CREB1: variants seen among roughly 807,000 people sequenced by gnomAD.
The protein encoded by CREB1 is cAMP responsive element binding protein 1.
Under a neutral mutation model 42.0 loss-of-function variants are expected in CREB1, and 2 were observed. The ratio of observed to expected loss-of-function variants is 0.05; its 90% CI spans 0.02 to 0.15. The LOEUF (loss-of-function observed/expected upper bound fraction) is 0.15. CREB1 is among the 10% of genes least tolerant of loss of function. The pLI is 1.00. For synonymous variants in CREB1, 123 were observed against 139.9 expected, an observed-to-expected ratio of 0.88 and a Z score of 0.85; for missense variants, 199 against 388.9, an observed-to-expected ratio of 0.51 and a Z score of 4.11.
chr2:207,558,956 C>A (rs762367340), intron 2 of CREB1, among the ~76,000 whole-genome samples: 2 of 152,128 alleles, frequency 1.3e-5, no homozygotes, highest in Non-Finnish European at 2.9e-5. Context: ...AGTGATCTAT[C>A]TAAAAGCAAA....
chr2:207,548,923 T>A (rs1431831312), intron 1 of CREB1, among the ~76,000 whole-genome samples: 1 of 152,232 alleles, frequency 6.6e-6, no homozygotes, highest in Non-Finnish European at 1.5e-5. Context: ...ATTTAAATCT[T>A]ATCAAATTCA....
chr2:207,577,521 A>T lies in CREB1; in HGVS notation c.705A>T (p.Val235=), dbSNP rs1423658813. The T allele has an allele frequency of 3.7e-6, 6 of 1,613,882 alleles. No homozygotes were observed. The highest frequency in any genetic ancestry group is 5.1e-6 in the Non-Finnish European group (6 of 1,179,954). The change falls in exon 7 of 8, where the codon GTA becomes GTT. Residue 235 remains valine (V), a synonymous_variant. Transcript: ENST00000353267. ...TTTTTTCAGCTGCCTCTGGAGACGT[A>T]CAAACATACCAGATTCGCACAGCAC... ...QVVVQAASGD[V]QTYQIRTAPT...
chr2:207,551,877 A>C (rs2081517890), intron 1 of CREB1, among the ~76,000 whole-genome samples: 1 of 151,694 alleles, frequency 6.6e-6, no homozygotes, highest in African/African-American at 2.4e-5. Flanking sequence ...CCCCATCTCT[A>C]CTAAAAATAT....
intron 1 of CREB1, among the ~76,000 whole-genome samples, chr2:207,536,081 G>C (rs917431563): frequency 3.9e-5 from 6 of 152,088 alleles, no homozygotes; most frequent in African/African-American, 1.4e-4. Flanking sequence ...CCAAAGAGTT[G>C]GGATTACAAG....
intron 1 of CREB1, among the ~76,000 whole-genome samples, chr2:207,535,150 G>C (rs1019487838): frequency 3.3e-5 from 5 of 152,124 alleles, no homozygotes; most frequent in African/African-American, 1.2e-4. Flanking sequence ...CTATTTGAAT[G>C]AAAAATAAAT....
At position 207,568,535 on chromosome 2, in the gene CREB1, G is replaced by T. The variant is rs1028534655; in HGVS notation, c.362+972G>T. Among the ~76,000 whole-genome samples the T allele has an allele frequency of 2.0e-5, 3 of 152,164 alleles. No individual in the cohort carries two copies. In the East Asian group the frequency reaches 5.8e-4, roughly 29 times the overall value. On this transcript the variant is annotated intron_variant, in intron 4 of 7. Coordinates refer to ENST00000353267, the MANE Select transcript of CREB1 (RefSeq NM_004379.5). Reference sequence around the variant, plus strand: ...AAATATAAAAGCCAGGATTATTATAGTTTTGGTTTGTAACTCCTTTTTTTC... The same window carrying T: ...AAATATAAAAGCCAGGATTATTATATTTTTGGTTTGTAACTCCTTTTTTTC...
intron 6 of CREB1, chr2:207,577,041 T>A: frequency 1.1e-6 from 1 of 946,340 alleles, no homozygotes; most frequent in Non-Finnish European, 1.3e-6. Flanking sequence ...TAGTTGACCA[T>A]AATGCTTTAT....
chr2:207,547,554 G>T (rs758403017), intron 1 of CREB1, among the ~76,000 whole-genome samples: 1 of 152,136 alleles, frequency 6.6e-6, no homozygotes, highest in Non-Finnish European at 1.5e-5. Context: ...AGAGGTTTCT[G>T]TGAGATCAAT....
chr2:207,597,668 T>G lies in CREB1; in HGVS notation c.*610T>G, dbSNP rs2086393064. 1 of 206,588 alleles carries G rather than the reference T, an allele frequency of 4.8e-6. No homozygotes were observed. The highest frequency in any genetic ancestry group is 7.4e-5 in the East Asian group (1 of 13,484). 12.8% of individuals were successfully genotyped at this position (206,588 alleles called of 1,614,324 possible). On this transcript the variant is annotated 3_prime_UTR_variant, in exon 8 of 8. Coordinates refer to ENST00000353267, the MANE Select transcript of CREB1 (RefSeq NM_004379.5). ...TGTTGTCTTCTTCAATACTGAAAAT[T>G]TGTCCTTGGTTCTTAAAAGCATTCT...
chr2:207,537,302 T>G (rs2080914898), intron 1 of CREB1, among the ~76,000 whole-genome samples: 1 of 151,902 alleles, frequency 6.6e-6, no homozygotes, highest in African/African-American at 2.4e-5. Context: ...CCTCCCAAAG[T>G]GGTGGGATTA....
At chr2:207,581,801 A>G (rs1366329743) in intron 7 of CREB1, 2 of 697,722 alleles carry the variant, frequency 2.9e-6, no homozygotes, top group Non-Finnish European at 5.2e-6. Context: ...TACATAATCC[A>G]GTTTGGGTAC....
At chr2:207,546,053 C>T (rs543503152) in intron 1 of CREB1, among the ~76,000 whole-genome samples, 18 of 152,260 alleles carry the variant, frequency 1.2e-4, no homozygotes, top group African/African-American at 4.3e-4. Flanking sequence ...TTTTCTTTAA[C>T]TGAGGAAATT....
At chr2:207,579,660 T>C (rs528746495) in intron 7 of CREB1, among the ~76,000 whole-genome samples, 1 of 152,194 alleles carries the variant, frequency 6.6e-6, no homozygotes, top group South Asian at 2.1e-4. Context: ...TGCTTAGATA[T>C]AGTTACCCTA....
At chr2:207,549,671 G>C (rs892386140) in intron 1 of CREB1, among the ~76,000 whole-genome samples, 1 of 152,106 alleles carries the variant, frequency 6.6e-6, no homozygotes, top group African/African-American at 2.4e-5. Flanking sequence ...TCAGGAAATC[G>C]AGACCGTCCT....
At chr2:207,551,413 TA>T (rs1467783096) in intron 1 of CREB1, among the ~76,000 whole-genome samples, 4 of 152,212 alleles carry the variant, frequency 2.6e-5, no homozygotes, top group Non-Finnish European at 5.9e-5. Context: ...ATTAACTGTT[TA>T]ATAACTCTAA....
Position 207,604,717 on chromosome 2 carries a change from TA to T in CREB1, c.*7662del, listed in dbSNP as rs976778519. Among the ~76,000 whole-genome samples the T allele has an allele frequency of 1.1e-3, 170 of 152,186 alleles. No homozygotes were observed. The highest frequency in any genetic ancestry group is 3.6e-3 in the African/African-American group (149 of 41,448). ...CAAAACATTCTCATCACTCCAAAAG[TA>T]AAGTCCCGTTACTCTCCATTTTCTC... On this transcript the variant is annotated 3_prime_UTR_variant, in exon 8 of 8. Transcript: ENST00000353267.
At chr2:207,580,469 C>G (rs1387646799) in intron 7 of CREB1, among the ~76,000 whole-genome samples, 1 of 152,040 alleles carries the variant, frequency 6.6e-6, no homozygotes, top group Non-Finnish European at 1.5e-5. Context: ...TTGCTGCACC[C>G]CCAGAGTCTC....
intron 1 of CREB1, among the ~76,000 whole-genome samples, chr2:207,540,437 T>G (rs936958784): frequency 3.3e-5 from 5 of 151,506 alleles, no homozygotes; most frequent in African/African-American, 1.2e-4. Flanking sequence ...GCCCAGGAGT[T>G]TCAAGCAGCC....
chr2:207,576,824 C>A, intron 6 of CREB1: 1 of 1,011,082 alleles, frequency 9.9e-7, no homozygotes, highest in Non-Finnish European at 1.2e-6. Context: ...ATTAGGAGAG[C>A]ATATTATTAC....
Sources: gnomAD v4.1 joint callset for allele counts (sites outside exome capture counted in the v4.1 genomes callset) on GRCh38, gnomAD v4.1.1 for gene constraint, MANE v1.5 for transcripts, NCBI Gene and HGNC (gene_info 2026-07-23, HGNC 2026-07-21) for gene names.